Variants in RADIL observed in about 807,000 individuals in gnomAD.
The protein encoded by RADIL is ras-associating and dilute domain-containing protein.
A neutral mutation model predicts 97.6 loss-of-function variants in RADIL; 99 were observed. The observed-to-expected ratio is 1.01, with a 90% CI of 0.86 to 1.20. The LOEUF is 1.20. Ranked by LOEUF, RADIL falls within the 50% of genes most tolerant of loss-of-function variation. RADIL has a pLI of 0.00. For synonymous variants in RADIL, 803 were observed against 691.8 expected, an observed-to-expected ratio of 1.16 and a Z score of -2.52; for missense variants, 1,765 against 1,498.9, an observed-to-expected ratio of 1.18 and a Z score of -2.93.
Position 4,816,471 on chromosome 7 carries a change from G to T in RADIL, c.1729-6C>A. 6.3e-7 allele frequency: 1 copy of T among 1,596,110 alleles called. No individual in the cohort carries two copies. Among genetic ancestry groups the T allele is most frequent in the African/African-American group, 1.3e-5 (1 of 74,726 alleles). ...GGGAGGCAGATGTACAGGGACTGGC[G>T]GGGGCAAGAGGAGAACAGCAACCAG... is the stretch of plus-strand genomic sequence containing the variant. On this transcript the variant is annotated splice_region_variant and splice_polypyrimidine_tract_variant and intron_variant, in intron 7 of 14. Coordinates refer to ENST00000399583, the MANE Select transcript of RADIL (RefSeq NM_018059.5).
intron 4 of RADIL, 84 bp from the exon 5 acceptor site, chr7:4,832,262 G>A: frequency 2.2e-6 from 3 of 1,378,502 alleles, no homozygotes; most frequent in South Asian, 1.2e-5. Flanking sequence ...ACCATCGACA[G>A]GAAAACAAGC....
rs1784450738 is a variant in RADIL, at chr7:4,879,957, C to T, written c.-64-1754G>A. ...CAGCAGCTGTGCTTTCTCCGAGGAC[C>T]TTGAACTCTTCAGAAATACTTCCGA... On this transcript the variant is annotated intron_variant, in intron 1 of 14. Coordinates refer to ENST00000399583, the MANE Select transcript of RADIL (RefSeq NM_018059.5). The surrounding 1 kb of genome is among the most constrained non-coding windows in gnomAD (Gnocchi z 4.1). 6.6e-6 allele frequency among the ~76,000 whole-genome samples: 1 copy of T among 152,200 alleles called. No individual in the cohort carries two copies. Among genetic ancestry groups the T allele is most frequent in the African/African-American group, 2.4e-5 (1 of 41,452 alleles).
At position 4,879,282 on chromosome 7, in the gene RADIL, AG is replaced by A. The variant is rs1322014195; in HGVS notation, c.-64-1080del. 2.0e-5 allele frequency among the ~76,000 whole-genome samples: 3 copies of A among 152,252 alleles called. No homozygotes were observed. The highest frequency in any genetic ancestry group is 4.4e-5 in the Non-Finnish European group (3 of 68,042). ...CACTTCTAATGTCCGTAGCGTGCCCAGGGCCAGGAGTTCCAGATGGTTTCTC... is the reference window on the plus strand; with the variant it reads ...CACTTCTAATGTCCGTAGCGTGCCCAGGCCAGGAGTTCCAGATGGTTTCTC... On this transcript the variant is annotated intron_variant, in intron 1 of 14. Transcript: ENST00000399583. This position sits in a 1 kb window ranked among gnomAD's most constrained non-coding sequence, Gnocchi z 4.1.
intron 1 of RADIL, chr7:4,882,338 G>C (rs971994395): frequency 6.6e-6 from 1 of 152,406 alleles, no homozygotes; most frequent in Admixed American, 6.5e-5. Context: ...TGTTTTTCTG[G>C]AAGTGCGACC....
intron 2 of RADIL, among the ~76,000 whole-genome samples, chr7:4,876,301 T>G (rs1784374923): frequency 6.6e-6 from 1 of 151,984 alleles, no homozygotes; most frequent in Non-Finnish European, 1.5e-5. Context: ...ATTTATTTTA[T>G]TTATTTATTT....
In RADIL at chr7:4,803,540, G is replaced by C. The variant is rs138344435; in HGVS notation, c.2499+6C>G. 1 of 1,518,132 alleles carries C rather than the reference G, an allele frequency of 6.6e-7. No homozygotes were observed. The highest frequency in any genetic ancestry group is 1.2e-5 in the South Asian group (1 of 83,458). The allele number at this position is 1,518,132 out of a possible 1,614,324, so 94.0% of individuals were successfully genotyped here. On this transcript the variant is annotated splice_donor_region_variant and intron_variant, in intron 11 of 14. Transcript: ENST00000399583. ...ACGCTGGCTGGGGGGCCCCCTCCCCGGGTACCTCGGGGCACACTGGCTGGG... is the reference window on the plus strand; with the variant it reads ...ACGCTGGCTGGGGGGCCCCCTCCCCCGGTACCTCGGGGCACACTGGCTGGG...
intron 2 of RADIL, among the ~76,000 whole-genome samples, chr7:4,863,784 G>C (rs1784075287): frequency 6.6e-6 from 1 of 152,078 alleles, no homozygotes; most frequent in Non-Finnish European, 1.5e-5. Context: ...TATTTGGAGG[G>C]GTCTCAATTC....
intron 2 of RADIL, chr7:4,860,173 G>C (rs756305258): frequency 1.7e-5 from 28 of 1,613,852 alleles, no homozygotes; most frequent in Non-Finnish European, 2.4e-5. Context: ...TAATCAATGG[G>C]CCTGTCTTCA....
intron 2 of RADIL, among the ~76,000 whole-genome samples, chr7:4,856,111 T>G (rs1445666599): frequency 2.6e-5 from 4 of 151,106 alleles, no homozygotes; most frequent in Non-Finnish European, 4.4e-5. Context: ...ATCCAGCTTT[T>G]TTTTTTTAGA....
At chr7:4,855,311 C>T (rs530324422) in intron 2 of RADIL, among the ~76,000 whole-genome samples, 1 of 152,172 alleles carries the variant, frequency 6.6e-6, no homozygotes, top group East Asian at 1.9e-4. Context: ...TTAAATGGCA[C>T]ACTGGAGGTA....
intron 11 of RADIL, 114 bp from the exon 12 acceptor site, chr7:4,802,109 C>T: frequency 1.2e-6 from 1 of 846,924 alleles, no homozygotes; most frequent in African/African-American, 1.7e-5. Flanking sequence ...CAGAGGTCAG[C>T]AAAGGACTCC....
chr7:4,860,743 C>T, intron 2 of RADIL: 1 of 1,614,128 alleles, frequency 6.2e-7, no homozygotes, highest in Non-Finnish European at 8.5e-7. Flanking sequence ...ACCACTCTGC[C>T]TTACTTAGCA....
intron 2 of RADIL, among the ~76,000 whole-genome samples, chr7:4,874,795 C>A (rs1327889195): frequency 6.6e-6 from 1 of 152,142 alleles, no homozygotes; most frequent in Admixed American, 6.5e-5. Context: ...TGGTGGCTCA[C>A]ACCTGTCATC....
chr7:4,804,508 C>A lies in RADIL; in HGVS notation c.2291-754G>T, dbSNP rs370309861. 6.6e-5 allele frequency among the ~76,000 whole-genome samples: 10 copies of A among 152,326 alleles called. 1 individual carries two copies. In the South Asian group the frequency reaches 1.4e-3, roughly 22 times the overall value. On this transcript the variant is annotated intron_variant, in intron 10 of 14. Transcript: ENST00000399583. Reference sequence around the variant, plus strand: ...CTACACATTATAATGCACCCCTGGCCGGGGGTGGCGGCTCACGCCTGTAAT... The same window carrying A: ...CTACACATTATAATGCACCCCTGGCAGGGGGTGGCGGCTCACGCCTGTAAT...
intron 2 of RADIL, among the ~76,000 whole-genome samples, chr7:4,848,625 T>C (rs1168151117): frequency 2.0e-5 from 3 of 152,052 alleles, no homozygotes; most frequent in African/African-American, 7.2e-5. Flanking sequence ...TATAGACCCA[T>C]CTTTAGTTGT....
At chr7:4,832,734 G>A (rs566980508) in intron 4 of RADIL, among the ~76,000 whole-genome samples, 287 of 119,638 alleles carry the variant, frequency 2.4e-3, no homozygotes, top group Non-Finnish European at 3.0e-3. Flanking sequence ...GCGAGACTCC[G>A]TCTCAGCAAA....
At position 4,861,722 on chromosome 7, in the gene RADIL, G is replaced by A. The variant is rs1348540865; in HGVS notation, c.535+15883C>T. The A allele has an allele frequency of 3.2e-6, 5 of 1,543,114 alleles. No individual in the cohort carries two copies. Among genetic ancestry groups the A allele is most frequent in the South Asian group, 1.3e-5 (1 of 79,272 alleles). On this transcript the variant is annotated intron_variant, in intron 2 of 14. Coordinates refer to ENST00000399583, the MANE Select transcript of RADIL (RefSeq NM_018059.5). ...GAGGCAGTCCGTCTCCTTGGGGACC[G>A]CTAGACTGATAGGCGAGGAGACGCC...
chr7:4,858,797 T>C lies in RADIL; in HGVS notation c.535+18808A>G, dbSNP rs540966815. On this transcript the variant is annotated intron_variant, in intron 2 of 14. Coordinates refer to ENST00000399583, the MANE Select transcript of RADIL (RefSeq NM_018059.5). Reference sequence around the variant, plus strand: ...TGTTTTGTGCCATGTGGCCACAGGATTGTCAGTTTCACATCATGGTTTAGA... The same window carrying C: ...TGTTTTGTGCCATGTGGCCACAGGACTGTCAGTTTCACATCATGGTTTAGA... 4 of 152,498 alleles carry C rather than the reference T, an allele frequency of 2.6e-5. No homozygotes were observed. The South Asian group carries it at 6.2e-4, about 24-fold the overall frequency. The allele number at this position is 152,498 out of a possible 1,614,324, so 9.4% of individuals were successfully genotyped here. A position where few individuals can be genotyped will look rare whatever the true frequency, so the allele number is the denominator to read the frequency against.
At chr7:4,820,269 C>T (rs2115194320) in intron 6 of RADIL, among the ~76,000 whole-genome samples, 1 of 152,356 alleles carries the variant, frequency 6.6e-6, no homozygotes, top group South Asian at 2.1e-4. Context: ...ATGGCAGAGT[C>T]AGGTCTGCAG....
Sources: gnomAD v4.1 joint callset for allele counts (sites outside exome capture counted in the v4.1 genomes callset) on GRCh38, gnomAD v4.1.1 for gene constraint, Gnocchi (gnomAD v3.1) non-coding constraint, MANE v1.5 for transcripts, NCBI Gene and HGNC (gene_info 2026-07-23, HGNC 2026-07-21) for gene names.